The following PIK3C2G variants were observed in gnomAD, a reference collection of about 807,000 sequenced individuals.
PIK3C2G encodes phosphatidylinositol-4-phosphate 3-kinase catalytic subunit type 2 gamma.
In PIK3C2G, 168 loss-of-function variants were observed where a neutral mutation model predicts 181.1. The observed-to-expected ratio is 0.93, with a 90% CI of 0.82 to 1.05. The LOEUF is 1.05. PIK3C2G is among the 50% of genes least tolerant of loss of function. PIK3C2G has a pLI of 0.00. For missense variants in PIK3C2G, 1,869 were observed against 1,732.8 expected (o/e 1.08, Z -1.40); for synonymous variants, 573 against 592.2 (o/e 0.97, Z 0.47).
intron 14 of PIK3C2G, among the ~76,000 whole-genome samples, chr12:18,382,844 G>A (rs1942929350): frequency 6.6e-6 from 1 of 152,138 alleles, no homozygotes; most frequent in African/African-American, 2.4e-5. Flanking sequence ...CTTGTGGTGA[G>A]GGGTTTGGGA....
At chr12:18,651,654 T>C (rs10734680), downstream of PIK3C2G, among the ~76,000 whole-genome samples, 101,278 of 151,972 alleles carry the variant, frequency 0.67, 34,080 homozygotes, top group East Asian at 0.91. Context: ...CCTAAGGACC[T>C]TGGAACTTCC....
intron 24 of PIK3C2G, among the ~76,000 whole-genome samples, chr12:18,513,896 ACTAAGGTAGTT>A (rs1942369022): frequency 6.6e-6 from 1 of 151,616 alleles, no homozygotes; most frequent in Non-Finnish European, 1.5e-5. Context: ...CCAGCTTTGA[ACTAAGGTAGTT>A]CTTCTGTCTC....
the PIK3C2G span, among the ~76,000 whole-genome samples, chr12:18,668,035 A>C: frequency 6.6e-6 from 1 of 152,194 alleles, no homozygotes; most frequent in African/African-American, 2.4e-5. Flanking sequence ...ACCTAATATA[A>C]TCAGATTTCT....
chr12:18,243,194 CTG>C (rs71440357), upstream of PIK3C2G, among the ~76,000 whole-genome samples: 59,872 of 148,042 alleles, frequency 0.4, 12,222 homozygotes, highest in Admixed American at 0.49. Context: ...TAAAGTCTTT[CTG>C]TGTGTGTGTG....
chr12:18,675,502 T>C, the PIK3C2G span, among the ~76,000 whole-genome samples: 3 of 152,156 alleles, frequency 2.0e-5, no homozygotes, highest in Non-Finnish European at 4.4e-5. Flanking sequence ...CATTCAACTC[T>C]GCAATTCCAC....
the PIK3C2G span, chr12:18,701,591 T>C: frequency 1.4e-5 from 23 of 1,611,428 alleles, no homozygotes; most frequent in Non-Finnish European, 2.0e-5. Flanking sequence ...CCAATACTTC[T>C]GATTCTTTGA....
At chr12:18,301,152 G>A (rs562675124) in intron 5 of PIK3C2G, among the ~76,000 whole-genome samples, 137 of 152,060 alleles carry the variant, frequency 9.0e-4, no homozygotes, top group African/African-American at 3.2e-3. Context: ...TTTGTCTTTG[G>A]CTTTTGACAG....
chr12:18,460,140 AC>A (rs1462549125), intron 18 of PIK3C2G, among the ~76,000 whole-genome samples: 1 of 152,164 alleles, frequency 6.6e-6, no homozygotes, highest in Non-Finnish European at 1.5e-5. Context: ...AAGAATAATG[AC>A]CCTGGACTGA....
intron 16 of PIK3C2G, among the ~76,000 whole-genome samples, chr12:18,409,905 A>C (rs902182130): frequency 1.3e-5 from 2 of 152,132 alleles, no homozygotes; most frequent in Admixed American, 6.6e-5. Context: ...ACACCTTCAC[A>C]TGGCTGGGCA....
intron 24 of PIK3C2G, among the ~76,000 whole-genome samples, chr12:18,515,115 A>C (rs894938725): frequency 8.6e-5 from 13 of 151,926 alleles, no homozygotes; most frequent in Admixed American, 3.9e-4. Context: ...GATCTTTTTA[A>C]TGTGTTGTTG....
At chr12:18,658,355 G>A in the PIK3C2G span, among the ~76,000 whole-genome samples, 1 of 152,056 alleles carries the variant, frequency 6.6e-6, no homozygotes, top group Non-Finnish European at 1.5e-5. Context: ...ACTCTAAGTA[G>A]GATAAACATA....
chr12:18,646,991 T>G (rs1369382857), intron 32 of PIK3C2G, among the ~76,000 whole-genome samples: 1 of 151,982 alleles, frequency 6.6e-6, no homozygotes, highest in Admixed American at 6.6e-5. Context: ...GAATAAGTGA[T>G]TATATATAGA....
intron 8 of PIK3C2G, among the ~76,000 whole-genome samples, chr12:18,326,433 A>G (rs1951349371): frequency 6.6e-6 from 1 of 152,218 alleles, no homozygotes; most frequent in Non-Finnish European, 1.5e-5. Flanking sequence ...TAACTCAGAT[A>G]ATAACTATTT....
At chr12:18,670,295 C>CACACAA in the PIK3C2G span, among the ~76,000 whole-genome samples, 2 of 138,246 alleles carry the variant, frequency 1.4e-5, no homozygotes, top group African/African-American at 5.2e-5. Context: ...CACATATGCG[C>CACACAA]ACACACACAC....
intron 26 of PIK3C2G, among the ~76,000 whole-genome samples, chr12:18,562,093 AT>A (rs954611735): frequency 3.9e-5 from 6 of 152,168 alleles, no homozygotes; most frequent in African/African-American, 1.4e-4. Context: ...CTGGAATTAA[AT>A]TTTTTAAAAA....
At chr12:18,459,174 T>G (rs373310197) in intron 18 of PIK3C2G, among the ~76,000 whole-genome samples, 11 of 152,156 alleles carry the variant, frequency 7.2e-5, no homozygotes, top group African/African-American at 2.7e-4. Flanking sequence ...AAGAAGTTTA[T>G]CACTGGAAAT....
At chr12:18,386,615 G>T (rs1943185748) in intron 14 of PIK3C2G, among the ~76,000 whole-genome samples, 1 of 151,928 alleles carries the variant, frequency 6.6e-6, no homozygotes, top group African/African-American at 2.4e-5. Context: ...CCCCGATTGG[G>T]ATTCATTCCT....
At chr12:18,625,815 T>A (rs1949071856) in intron 31 of PIK3C2G, among the ~76,000 whole-genome samples, 1 of 151,926 alleles carries the variant, frequency 6.6e-6, no homozygotes, top group South Asian at 2.1e-4. Flanking sequence ...AAGTCTATTT[T>A]GTCTGATATA....
chr12:18,692,125 G>C, the PIK3C2G span, among the ~76,000 whole-genome samples: 2 of 152,276 alleles, frequency 1.3e-5, no homozygotes, highest in South Asian at 4.1e-4. Flanking sequence ...CCAGGTAATG[G>C]GGAGCAGAGG....
Sources: allele counts gnomAD v4.1 joint callset (sites outside exome capture counted in the v4.1 genomes callset), GRCh38; gene constraint gnomAD v4.1.1; transcripts MANE v1.5; gene names NCBI Gene and HGNC (gene_info 2026-07-23, HGNC 2026-07-21).